The following KANSL1L variants were observed in gnomAD, a reference collection of about 807,000 sequenced individuals.
The protein encoded by KANSL1L is KAT8 regulatory NSL complex subunit 1-like protein.
Under a neutral mutation model 108.6 loss-of-function variants are expected in KANSL1L, and 25 were observed. The ratio of observed to expected loss-of-function variants is 0.23; its 90% confidence interval spans 0.17 to 0.32. The LOEUF is 0.32. KANSL1L is among the 10% of genes least tolerant of loss of function. The probability of loss-of-function intolerance (pLI) is 1.00; values close to 1 mark genes in which losing one functional copy is unlikely to be tolerated. For synonymous variants in KANSL1L, 405 were observed against 395.1 expected (o/e 1.03, Z -0.30); for missense variants, 1,137 against 1,125.7 (o/e 1.01, Z -0.14).
At chr2:210,050,096 G>A (rs1214313474) in intron 6 of KANSL1L, among the ~76,000 whole-genome samples, 1 of 152,186 alleles carries the variant, frequency 6.6e-6, no homozygotes, top group East Asian at 1.9e-4. Flanking sequence ...AGAACAGAAT[G>A]CCAGAAAAGA....
intron 6 of KANSL1L, chr2:210,064,290 TACAG>T (rs2094446817): frequency 6.6e-6 from 1 of 152,196 alleles, no homozygotes; most frequent in Non-Finnish European, 1.5e-5. Context: ...TATGGACTAA[TACAG>T]AAATTAAAAT....
chr2:210,150,733 G>T (rs2095297043), intron 2 of KANSL1L, among the ~76,000 whole-genome samples: 1 of 149,658 alleles, frequency 6.7e-6, no homozygotes. Context: ...AGTGAGCCGA[G>T]ATCGTGCCAT....
At position 210,103,267 on chromosome 2, in the gene KANSL1L, T is replaced by C. The variant is rs935518678; in HGVS notation, c.1428+837A>G. On this transcript the variant is annotated intron_variant, in intron 4 of 14. Coordinates refer to ENST00000281772, the MANE Select transcript of KANSL1L (RefSeq NM_152519.4). ...TCACTCATAGGTGGGAAATGAACAA[T>C]GAGAAGAACACTTGGACACAGGAAG... Among the ~76,000 whole-genome samples the C allele has an allele frequency of 2.9e-5, 4 of 138,514 alleles. No individual in the cohort carries two copies. The South Asian group carries it at 8.8e-4, about 30-fold the overall frequency. The allele number at this position is 138,514 out of a possible 152,430, so 90.9% of individuals were successfully genotyped here.
At chr2:210,095,187 C>A (rs745625886) in intron 5 of KANSL1L, among the ~76,000 whole-genome samples, 12 of 152,084 alleles carry the variant, frequency 7.9e-5, no homozygotes, top group Non-Finnish European at 1.8e-4. Context: ...TCACCTGTAG[C>A]TCCTTCCTTT....
At chr2:210,161,488 A>G (rs566844932) in intron 1 of KANSL1L, among the ~76,000 whole-genome samples, 1 of 152,354 alleles carries the variant, frequency 6.6e-6, no homozygotes, top group African/African-American at 2.4e-5. Flanking sequence ...CAACTTCTAG[A>G]AAAAATGTTT....
chr2:210,026,495 G>C (rs1392069752), intron 12 of KANSL1L: 2 of 152,176 alleles, frequency 1.3e-5, no homozygotes, highest in Non-Finnish European at 2.9e-5. Context: ...ACTCAACTAT[G>C]AATATTTCAC....
chr2:210,078,946 T>A (rs962970920), intron 5 of KANSL1L, among the ~76,000 whole-genome samples: 1 of 152,156 alleles, frequency 6.6e-6, no homozygotes, highest in Non-Finnish European at 1.5e-5. Flanking sequence ...TATCTCTTTT[T>A]AAAAATCTTT....
intron 3 of KANSL1L, among the ~76,000 whole-genome samples, chr2:210,118,255 G>C (rs1216075582): frequency 6.6e-6 from 1 of 150,514 alleles, no homozygotes; most frequent in African/African-American, 2.4e-5. Flanking sequence ...GATCACTTGA[G>C]GTCAGGAGTT....
Position 210,153,578 on chromosome 2 carries a change from A to C in KANSL1L, c.1005T>G (p.Val335=). The C allele has an allele frequency of 1.9e-6, 3 of 1,614,132 alleles. No individual in the cohort carries two copies. Among genetic ancestry groups the C allele is most frequent in the Non-Finnish European group, 2.5e-6 (3 of 1,180,006 alleles). ...TTGCATCGGAATCCAAACCCTCTTC[A>C]ACATGAGACAACAGCCCTGTAGCAG... is the stretch of plus-strand genomic sequence containing the variant. ...AFSATGLLSH[V]EEGLDSDATD... The change falls in exon 2 of 15, where the codon GTT becomes GTG. Residue 335 remains valine, a synonymous_variant. Coordinates refer to ENST00000281772, the MANE Select transcript of KANSL1L (RefSeq NM_152519.4).
intron 4 of KANSL1L, 35 bp from the exon 5 acceptor site, chr2:210,098,242 A>G: frequency 6.3e-7 from 1 of 1,597,752 alleles, no homozygotes; most frequent in Non-Finnish European, 8.5e-7. Flanking sequence ...ACTACTGCTA[A>G]GCAAGAAATG....
At chr2:210,151,806 A>C (rs192995944) in intron 2 of KANSL1L, 4 of 152,290 alleles carry the variant, frequency 2.6e-5, no homozygotes, top group East Asian at 1.9e-4. Context: ...CATGCAAACA[A>C]ATTTCAATTA....
Position 210,024,156 on chromosome 2 carries a change from T to A in KANSL1L, c.2610A>T (p.Glu870Asp), listed in dbSNP as rs201762929. The A allele has an allele frequency of 2.5e-6, 4 of 1,608,052 alleles. No homozygotes were observed. The highest frequency in any genetic ancestry group is 3.4e-6 in the Non-Finnish European group (4 of 1,177,214). The change falls in exon 14 of 15, where the codon GAA (glutamate) becomes GAT (aspartate). Residue 870 changes from glutamate (E) to aspartate (D), a missense_variant. Glu to Asp is a conservative substitution (Grantham distance 45). This residue lies in a region of KANSL1L where 575 missense variants were observed against 567.1 expected (regional missense o/e 1.01). Transcript: ENST00000281772. ...GACTGCTACTGAAGTTATTAGGGTA[T>A]TCTTTCAAAAGCAAGTCCTGTCCTT... ...NVEGQDLLLK[E>D]YPNNFSSSQQ...
At chr2:210,045,726 G>T (rs1011969995) in intron 6 of KANSL1L, among the ~76,000 whole-genome samples, 1 of 151,910 alleles carries the variant, frequency 6.6e-6, no homozygotes, top group Non-Finnish European at 1.5e-5. Flanking sequence ...CAGAATTCTG[G>T]GTTGGCTATT....
At chr2:210,055,744 T>C (rs2094343050) in intron 6 of KANSL1L, among the ~76,000 whole-genome samples, 1 of 152,114 alleles carries the variant, frequency 6.6e-6, no homozygotes, top group Non-Finnish European at 1.5e-5. Context: ...ACTTTGAACT[T>C]GAGAAAGATG....
At chr2:210,130,282 CTT>C (rs1445027781) in intron 2 of KANSL1L, among the ~76,000 whole-genome samples, 2 of 152,114 alleles carry the variant, frequency 1.3e-5, no homozygotes, top group Non-Finnish European at 2.9e-5. Flanking sequence ...TGTGGGAACT[CTT>C]TGTACTTTCC....
At chr2:210,140,421 T>C (rs1218773513) in intron 2 of KANSL1L, among the ~76,000 whole-genome samples, 1 of 152,206 alleles carries the variant, frequency 6.6e-6, no homozygotes, top group Non-Finnish European at 1.5e-5. Context: ...TATCCCTTCC[T>C]CATTGTGTGC....
At chr2:210,099,485 T>G (rs1379756390) in intron 4 of KANSL1L, among the ~76,000 whole-genome samples, 1 of 152,240 alleles carries the variant, frequency 6.6e-6, no homozygotes. Context: ...ACCATTTATT[T>G]TGAAGATAGT....
At chr2:210,125,192 T>A (rs2095055129) in intron 3 of KANSL1L, among the ~76,000 whole-genome samples, 1 of 152,030 alleles carries the variant, frequency 6.6e-6, no homozygotes, top group South Asian at 2.1e-4. Context: ...AGGCAGAGGT[T>A]GCAGTGAGCC....
rs370839449 is a variant in KANSL1L, at chr2:210,093,335, G to A, written c.1550+4751C>T. Among the ~76,000 whole-genome samples the A allele has an allele frequency of 2.4e-4, 37 of 152,092 alleles. No individual in the cohort carries two copies. In the East Asian group the frequency reaches 3.3e-3, roughly 13 times the overall value. On this transcript the variant is annotated intron_variant, in intron 5 of 14. Transcript: ENST00000281772. Reference sequence around the variant, plus strand: ...TAATTTTTGTATTTTTAGTAGAGGCGGGGTTTTGCCACGTTGGCCAGGCTG... The same window carrying A: ...TAATTTTTGTATTTTTAGTAGAGGCAGGGTTTTGCCACGTTGGCCAGGCTG...
Sources: gnomAD v4.1 joint callset for allele counts (sites outside exome capture counted in the v4.1 genomes callset) on GRCh38, gnomAD v4.1.1 for gene constraint, gnomAD v4.1.1 regional missense constraint, MANE v1.5 for transcripts, NCBI Gene and HGNC (gene_info 2026-07-23, HGNC 2026-07-21) for gene names.